Variants in STAB2 observed in about 807,000 individuals in gnomAD.
STAB2 encodes stabilin-2.
In STAB2, 288 loss-of-function variants were observed where a neutral mutation model predicts 338.1. The observed-to-expected ratio is 0.85, with a 90% confidence interval of 0.77 to 0.94. The LOEUF is 0.94. Ranked by LOEUF, STAB2 falls within the 40% of genes least tolerant of loss-of-function variation. STAB2 has a pLI of 0.00. For missense variants in STAB2, 3,141 were observed against 3,210.1 expected, an observed-to-expected ratio of 0.98 and a Z score of 0.52; for synonymous variants, 1,202 against 1,193.3, an observed-to-expected ratio of 1.01 and a Z score of -0.15.
At chr12:103,661,044 A>G (rs1874563511) in intron 17 of STAB2, among the ~76,000 whole-genome samples, 1 of 152,158 alleles carries the variant, frequency 6.6e-6, no homozygotes, top group Non-Finnish European at 1.5e-5. Context: ...TAATTATTTA[A>G]TTACAATGGT....
At position 103,662,865 on chromosome 12, in the gene STAB2, A is replaced by T; in HGVS notation, c.1889A>T (p.Asp630Val). The T allele has an allele frequency of 6.2e-7, 1 of 1,614,222 alleles. No homozygotes were observed. Among genetic ancestry groups the T allele is most frequent in the Non-Finnish European group, 8.5e-7 (1 of 1,180,030 alleles). Residue 630 changes from aspartate to valine, a missense_variant, in exon 18 of 69, where the codon GAT becomes GTT. Asp to Val is a radical substitution (Grantham distance 152, BLOSUM62 -3). Transcript: ENST00000388887. The stretch of plus-strand genomic sequence containing the variant: ...TTCCAGGGACAGATTCTGGCAAATG[A>T]TGTGGCAATGGAAGAAATTGAGATC... ...TTDNGQILAN[D>V]VAMEEIEITA...
At chr12:103,646,130 G>A (rs529092732) in intron 9 of STAB2, among the ~76,000 whole-genome samples, 67 of 152,214 alleles carry the variant, frequency 4.4e-4, no homozygotes, top group African/African-American at 1.4e-3. Context: ...CTGAGATCAC[G>A]CCATTGCACT....
In STAB2 at chr12:103,705,619, T is replaced by G; in HGVS notation, c.3901-13T>G. The G allele has an allele frequency of 6.2e-7, 1 of 1,613,378 alleles. No homozygotes were observed. Among genetic ancestry groups the G allele is most frequent in the Non-Finnish European group, 8.5e-7 (1 of 1,179,306 alleles). ...CTAACTTAGGAGCTGACGTAGTCAT[T>G]AATATTTCACAGGGTAATGAGAAGA... On this transcript the variant is annotated splice_polypyrimidine_tract_variant and intron_variant, in intron 36 of 68. Coordinates refer to ENST00000388887, the MANE Select transcript of STAB2 (RefSeq NM_017564.10).
At chr12:103,594,345 T>C in intron 2 of STAB2, 50 bp from the exon 3 acceptor site, 1 of 1,370,642 alleles carries the variant, frequency 7.3e-7, no homozygotes, top group Non-Finnish European at 1.0e-6. Flanking sequence ...CCACCTAGAG[T>C]AACTGCATTG....
At chr12:103,602,897 G>T (rs781099827) in intron 3 of STAB2, among the ~76,000 whole-genome samples, 4 of 152,062 alleles carry the variant, frequency 2.6e-5, no homozygotes, top group Non-Finnish European at 4.4e-5. Context: ...TAATTTTGAT[G>T]AGGTTCAAAT....
intron 54 of STAB2, 58 bp downstream of exon 54, chr12:103,739,526 CCTGTGTGTGTGTGT>C: frequency 2.9e-6 from 3 of 1,028,558 alleles, no homozygotes; most frequent in South Asian, 1.8e-5. Context: ...CATTATCAGA[CCTGTGTGTGTGTGT>C]GTGTGTGTGT....
rs553550791 is a variant in STAB2 at position 103,611,754 on chromosome 12, G to C, written c.332-8714G>C. On this transcript the variant is annotated intron_variant, in intron 3 of 68. Coordinates refer to ENST00000388887, the MANE Select transcript of STAB2 (RefSeq NM_017564.10). ...ATGATGTTAGCTGGTTATTTTGCTCGTTAGTTGATGCAGTTTCTTCCTAGC... is the reference window on the plus strand; with the variant it reads ...ATGATGTTAGCTGGTTATTTTGCTCCTTAGTTGATGCAGTTTCTTCCTAGC... Among the ~76,000 whole-genome samples the C allele has an allele frequency of 5.3e-5, 8 of 152,244 alleles. No homozygotes were observed. The South Asian group carries it at 1.0e-3, about 20-fold the overall frequency.
At chr12:103,611,557 C>A (rs1957122924) in intron 3 of STAB2, among the ~76,000 whole-genome samples, 1 of 152,156 alleles carries the variant, frequency 6.6e-6, no homozygotes, top group Non-Finnish European at 1.5e-5. Context: ...CTTCCTCCAT[C>A]CCTTTATTTT....
intron 8 of STAB2, among the ~76,000 whole-genome samples, chr12:103,639,596 C>T (rs145654748): frequency 8.1e-4 from 121 of 150,076 alleles, no homozygotes; most frequent in Non-Finnish European, 1.3e-3. Flanking sequence ...CCCAGCTGTC[C>T]GGAAGACTGA....
intron 57 of STAB2, chr12:103,746,336 T>C: frequency 3.2e-6 from 1 of 312,168 alleles, no homozygotes; most frequent in South Asian, 4.7e-5. Flanking sequence ...AAAGTTTTAA[T>C]TGATAGCCCC....
At chr12:103,691,278 TC>T (rs943028785) in intron 30 of STAB2, among the ~76,000 whole-genome samples, 1 of 152,206 alleles carries the variant, frequency 6.6e-6, no homozygotes. Flanking sequence ...TGGGCTACAG[TC>T]AAAAATGTTT....
rs552132138 is a variant in STAB2 at position 103,655,108 on chromosome 12, A to G, written c.1552-143A>G. ...TTTCAACGACAGCGAACATTTATAT[A>G]ATGCATTGCAGTTGACCAGGTTCAT... On this transcript the variant is annotated intron_variant, in intron 13 of 68. Coordinates refer to ENST00000388887, the MANE Select transcript of STAB2 (RefSeq NM_017564.10). 46 of 778,896 alleles carry G rather than the reference A, an allele frequency of 5.9e-5. No individual in the cohort carries two copies. The African/African-American group carries it at 7.8e-4, about 13-fold the overall frequency. The allele number at this position is 778,896 out of a possible 1,614,324, so 48.2% of individuals were successfully genotyped here. A position where few individuals can be genotyped will look rare whatever the true frequency, so the allele number is the denominator to read the frequency against.
chr12:103,765,453 C>T (rs1310259009), intron 68 of STAB2, among the ~76,000 whole-genome samples: 1 of 152,212 alleles, frequency 6.6e-6, no homozygotes, highest in Non-Finnish European at 1.5e-5. Flanking sequence ...GACACATTTA[C>T]CACCACTAGT....
intron 31 of STAB2, 67 bp downstream of exon 31, chr12:103,692,956 G>T (rs1175549666): frequency 1.5e-6 from 2 of 1,340,474 alleles, no homozygotes; most frequent in Admixed American, 2.2e-5. Flanking sequence ...GTCCTATACA[G>T]CATTTTTTTT....
rs869105400 is a variant in STAB2 at position 103,756,996 on chromosome 12, A to AATATATATATAT, written c.6988-1150_6988-1139dup. On this transcript the variant is annotated intron_variant, in intron 63 of 68. Coordinates refer to ENST00000388887, the MANE Select transcript of STAB2 (RefSeq NM_017564.10). Reference sequence around the variant, plus strand: ...GCCTCAGTAGCCCAGAAGGAGGGAAAATATATATATATATATATATATATA... The same window carrying AATATATATATAT: ...GCCTCAGTAGCCCAGAAGGAGGGAAAATATATATATATATATATATATATATATATATATATA... 3.7e-3 allele frequency among the ~76,000 whole-genome samples: 210 copies of AATATATATATAT among 56,210 alleles called. 2 individuals carry two copies. Among genetic ancestry groups the AATATATATATAT allele is most frequent in the East Asian group, 9.9e-3 (20 of 2,022 alleles). 36.9% of individuals were successfully genotyped at this position (56,210 alleles called of 152,430 possible). A position where few individuals can be genotyped will look rare whatever the true frequency, so the allele number is the denominator to read the frequency against.
chr12:103,668,995 A>G, intron 20 of STAB2: 1 of 398,516 alleles, frequency 2.5e-6, no homozygotes, highest in South Asian at 5.5e-5. Context: ...TGTGGCTCTG[A>G]CCTGCCTGTC....
intron 9 of STAB2, among the ~76,000 whole-genome samples, chr12:103,645,165 C>T (rs887472590): frequency 3.3e-5 from 5 of 152,152 alleles, no homozygotes; most frequent in Admixed American, 1.3e-4. Flanking sequence ...CAAATGGCTT[C>T]TGGGTGTTTT....
intron 45 of STAB2, among the ~76,000 whole-genome samples, chr12:103,725,310 C>T (rs144748364): frequency 2.6e-5 from 4 of 152,212 alleles, no homozygotes; most frequent in South Asian, 2.1e-4. Flanking sequence ...TAAGGTGGAC[C>T]GACAGCTCTG....
intron 3 of STAB2, among the ~76,000 whole-genome samples, chr12:103,598,474 C>T (rs565962433): frequency 1.6e-4 from 25 of 152,270 alleles, no homozygotes; most frequent in African/African-American, 6.0e-4. Context: ...ATAGTCTTAT[C>T]AGCTTCTTGA....
Sources: gnomAD v4.1 joint callset for allele counts (sites outside exome capture counted in the v4.1 genomes callset) on GRCh38, gnomAD v4.1.1 for gene constraint, MANE v1.5 for transcripts, NCBI Gene and HGNC (gene_info 2026-07-23, HGNC 2026-07-21) for gene names.